Variants in SGSM1 observed in about 807,000 individuals in gnomAD.
SGSM1 encodes the protein small G protein signaling modulator 1.
SGSM1 carries 73 observed loss-of-function variants against 133.8 expected under a neutral mutation model. The ratio of observed to expected loss-of-function variants is 0.55; its 90% confidence interval spans 0.45 to 0.66. The LOEUF (loss-of-function observed/expected upper bound fraction) is 0.66. SGSM1 is among the 30% of genes least tolerant of loss of function. The pLI is 0.00. For missense variants in SGSM1, 1,213 were observed against 1,448.1 expected (o/e 0.84, Z 2.64); for synonymous variants, 563 against 573.0 (o/e 0.98, Z 0.25).
In SGSM1 at chr22:24,915,034, A is replaced by G. The variant is rs190595381; in HGVS notation, c.2928+2282A>G. ...ACGAGGTCAGGAGATTGAGACCATC[A>G]TGGCTAACACGGTGAAACCCCGTCT... is the stretch of plus-strand genomic sequence containing the variant. On this transcript the variant is annotated intron_variant, in intron 22 of 24. Transcript: ENST00000400358. Among the ~76,000 whole-genome samples the G allele has an allele frequency of 2.0e-5, 3 of 151,934 alleles. No individual in the cohort carries two copies. The East Asian group carries it at 5.8e-4, about 29-fold the overall frequency.
At chr22:24,820,035 G>A (rs1456464910) in intron 2 of SGSM1, among the ~76,000 whole-genome samples, 2 of 152,008 alleles carry the variant, frequency 1.3e-5, no homozygotes, top group Non-Finnish European at 2.9e-5. Context: ...GAAGCCAGAC[G>A]CAAGCAGTGG....
intron 2 of SGSM1, among the ~76,000 whole-genome samples, chr22:24,817,361 C>CT (rs540559720): frequency 0.013 from 1,671 of 132,568 alleles, 30 homozygotes; most frequent in African/African-American, 0.042. Flanking sequence ...CTTTTTTTTT[C>CT]TTTTTTTTTT....
At chr22:24,806,710 G>C (rs1164733352) in intron 2 of SGSM1, among the ~76,000 whole-genome samples, 3 of 151,830 alleles carry the variant, frequency 2.0e-5, no homozygotes, top group Admixed American at 2.0e-4. Flanking sequence ...GGCTTTTTGC[G>C]GGGGCGGATG....
intron 2 of SGSM1, among the ~76,000 whole-genome samples, chr22:24,840,579 G>C (rs1328502497): frequency 6.6e-6 from 1 of 151,716 alleles, no homozygotes; most frequent in Non-Finnish European, 1.5e-5. Flanking sequence ...CTGACCTCAG[G>C]TAATCCGCCC....
chr22:24,820,682 G>A (rs901998824), intron 2 of SGSM1, among the ~76,000 whole-genome samples: 40 of 152,056 alleles, frequency 2.6e-4, no homozygotes, highest in Admixed American at 2.5e-3. Context: ...GCGGGGGCAC[G>A]TCTGTCCTAA....
At chr22:24,824,909 G>A (rs1601894181) in intron 2 of SGSM1, among the ~76,000 whole-genome samples, 1 of 152,224 alleles carries the variant, frequency 6.6e-6, no homozygotes, top group Admixed American at 6.5e-5. Context: ...GGACTGTAAG[G>A]CTTGCGAGGA....
At chr22:24,821,152 T>C (rs1284379889) in intron 2 of SGSM1, among the ~76,000 whole-genome samples, 2 of 152,228 alleles carry the variant, frequency 1.3e-5, no homozygotes, top group Non-Finnish European at 2.9e-5. Context: ...TTCTCCTGCC[T>C]CAGCCTCCCG....
At chr22:24,881,550 AGCGAGACTCCGTCTC>A (rs1932325462) in intron 14 of SGSM1, among the ~76,000 whole-genome samples, 1 of 151,940 alleles carries the variant, frequency 6.6e-6, no homozygotes, top group South Asian at 2.1e-4. Context: ...TGGGTGACAG[AGCGAGACTCCGTCTC>A]AAAAACAAAA....
chr22:24,833,546 T>C (rs1018730088), intron 2 of SGSM1, among the ~76,000 whole-genome samples: 1 of 151,676 alleles, frequency 6.6e-6, no homozygotes, highest in African/African-American at 2.4e-5. Context: ...TAGTCCCAGC[T>C]ACTTGGGAGG....
At chr22:24,859,951 C>T in intron 9 of SGSM1, 111 bp downstream of exon 9, 2 of 1,451,018 alleles carry the variant, frequency 1.4e-6, no homozygotes, top group Non-Finnish European at 1.9e-6. Flanking sequence ...CTTCTGCCCC[C>T]TCCTCTGCCT....
chr22:24,919,957 A>G lies in SGSM1; in HGVS notation c.3157A>G (p.Asn1053Asp). The change falls in exon 24 of 25, where the codon AAC becomes GAC. Residue 1053 changes from asparagine (N) to aspartate (D), a missense_variant. Transcript: ENST00000400358. ...EVYRDIILEN[N>D]MDFTDIIKFF... ...CTACCGTGACATCATTTTGGAGAAC[A>G]ACATGGATTTCACAGACATCATCAA... The G allele has an allele frequency of 1.2e-6, 2 of 1,612,642 alleles. No homozygotes were observed. Among genetic ancestry groups the G allele is most frequent in the Non-Finnish European group, 1.7e-6 (2 of 1,179,324 alleles).
At chr22:24,914,423 C>G (rs533728576) in intron 22 of SGSM1, among the ~76,000 whole-genome samples, 1 of 151,874 alleles carries the variant, frequency 6.6e-6, no homozygotes, top group Non-Finnish European at 1.5e-5. Flanking sequence ...TTGCAATGAG[C>G]CGAGATAGCC....
intron 17 of SGSM1, among the ~76,000 whole-genome samples, chr22:24,894,455 G>A (rs928032613): frequency 2.0e-5 from 3 of 152,214 alleles, no homozygotes; most frequent in Admixed American, 2.0e-4. Flanking sequence ...ATAACAGTGT[G>A]TAACAAACAA....
In SGSM1 at chr22:24,806,265, G is replaced by A. The variant is rs1204699354; in HGVS notation, c.-61G>A. 7.2e-6 allele frequency: 10 copies of A among 1,383,944 alleles called. No individual in the cohort carries two copies. Among genetic ancestry groups the A allele is most frequent in the Non-Finnish European group, 9.3e-6 (10 of 1,075,030 alleles). 85.7% of individuals were successfully genotyped at this position (1,383,944 alleles called of 1,614,324 possible). A position where few individuals can be genotyped will look rare whatever the true frequency, so the allele number is the denominator to read the frequency against. ...CTGCAGCAGCAGCGCCGCGGCCGGA[G>A]GAGCTACCGCCGCCACCGCCGCCAC... On this transcript the variant is annotated 5_prime_UTR_variant, in exon 1 of 25. Transcript: ENST00000400358.
chr22:24,911,780 C>T (rs1203653850), intron 21 of SGSM1, among the ~76,000 whole-genome samples: 2 of 152,138 alleles, frequency 1.3e-5, no homozygotes, highest in African/African-American at 2.4e-5. Flanking sequence ...GGTCTCTAGG[C>T]GCGGTGGCTC....
Position 24,905,153 on chromosome 22 carries a change from T to C in SGSM1, c.2784T>C (p.Asp928=), listed in dbSNP as rs1814877197. The C allele has an allele frequency of 6.2e-7, 1 of 1,614,020 alleles. No individual in the cohort carries two copies. The highest frequency in any genetic ancestry group is 8.5e-7 in the Non-Finnish European group (1 of 1,179,894). ...TCGGCTATGTCCAGGGCATGTGTGATCTTCTGGCTCCACTGCTGGTCATTC... is the reference window on the plus strand; with the variant it reads ...TCGGCTATGTCCAGGGCATGTGTGACCTTCTGGCTCCACTGCTGGTCATTC... ...IEIGYVQGMC[D]LLAPLLVILD... The change falls in exon 21 of 25, where the codon GAT becomes GAC. Residue 928 remains aspartate, a synonymous_variant. Transcript: ENST00000400358.
At chr22:24,823,592 C>T (rs1928615197) in intron 2 of SGSM1, among the ~76,000 whole-genome samples, 1 of 151,428 alleles carries the variant, frequency 6.6e-6, no homozygotes, top group South Asian at 2.1e-4. Context: ...CAGAGCGAGA[C>T]TCCATCTCAA....
rs372280910 is a variant in SGSM1, at chr22:24,905,129, C to A, written c.2760C>A (p.Ile920=). 1 of 1,613,974 alleles carries A rather than the reference C, an allele frequency of 6.2e-7. No individual in the cohort carries two copies. The highest frequency in any genetic ancestry group is 8.5e-7 in the Non-Finnish European group (1 of 1,179,888). The change falls in exon 21 of 25, where the codon ATC becomes ATA. Residue 920 remains isoleucine, a synonymous_variant. Coordinates refer to ENST00000400358, the MANE Select transcript of SGSM1 (RefSeq NM_001098497.3). Reference sequence around the variant, plus strand: ...GCTACATCTGGCAGCACATTGAGATCGGCTATGTCCAGGGCATGTGTGATC... The same window carrying A: ...GCTACATCTGGCAGCACATTGAGATAGGCTATGTCCAGGGCATGTGTGATC... The part of the protein sequence containing the change: ...MCSYIWQHIE[I]GYVQGMCDLL...
intron 8 of SGSM1, among the ~76,000 whole-genome samples, chr22:24,858,761 A>G (rs1013284999): frequency 9.9e-5 from 15 of 152,046 alleles, no homozygotes; most frequent in African/African-American, 3.4e-4. Context: ...CAGCCTTCCT[A>G]TGGGCACAGC....
Sources: gnomAD v4.1 joint callset for allele counts (sites outside exome capture counted in the v4.1 genomes callset) on GRCh38, gnomAD v4.1.1 for gene constraint, MANE v1.5 for transcripts, NCBI Gene and HGNC (gene_info 2026-07-23, HGNC 2026-07-21) for gene names.